The following LARGE1 variants were observed in gnomAD, a reference collection of about 807,000 sequenced individuals.
The protein encoded by LARGE1 is LARGE xylosyl- and glucuronyltransferase 1.
A neutral mutation model predicts 87.6 loss-of-function variants in LARGE1; 43 were observed. The observed-to-expected ratio is 0.49, with a 90% confidence interval of 0.38 to 0.63. The LOEUF (loss-of-function observed/expected upper bound fraction) is 0.63. Ranked by LOEUF, LARGE1 falls within the 30% of genes least tolerant of loss-of-function variation. The pLI, the probability that LARGE1 is intolerant of heterozygous loss-of-function variation, is 0.00. For missense variants in LARGE1, 802 were observed against 1,000.2 expected, an observed-to-expected ratio of 0.80 and a Z score of 2.67; for synonymous variants, 434 against 394.6, an observed-to-expected ratio of 1.10 and a Z score of -1.18.
intron 11 of LARGE1, among the ~76,000 whole-genome samples, chr22:33,230,805 A>G (rs1179192823): frequency 2.0e-5 from 3 of 152,242 alleles, no homozygotes; most frequent in Non-Finnish European, 4.4e-5. Flanking sequence ...ATAATTATAA[A>G]GCATGTGTGT....
chr22:33,232,094 T>A (rs942419093), intron 11 of LARGE1, among the ~76,000 whole-genome samples: 2 of 152,174 alleles, frequency 1.3e-5, no homozygotes, highest in African/African-American at 2.4e-5. Context: ...TCCCTCTGCT[T>A]CCCAAGACCA....
At chr22:33,423,313 T>C (rs1309614359) in intron 7 of LARGE1, among the ~76,000 whole-genome samples, 1 of 152,066 alleles carries the variant, frequency 6.6e-6, no homozygotes, top group African/African-American at 2.4e-5. Flanking sequence ...GTAAATATTA[T>C]TTTATAATAA....
chr22:33,641,802 T>G (rs1325810904), intron 3 of LARGE1, among the ~76,000 whole-genome samples: 1 of 151,746 alleles, frequency 6.6e-6, no homozygotes, highest in African/African-American at 2.4e-5. Flanking sequence ...ATCAACTTAA[T>G]GAAATAAAGT....
rs563241092 is a variant in LARGE1, at chr22:33,746,077, AAT to A, written c.106+15292_106+15293del. On this transcript the variant is annotated intron_variant, in intron 2 of 14. Transcript: ENST00000397394. ...TCTGTTCCCCCATCTGCACAATAAGAATATCAGCACGAAAATTAGTCGGGTAT... is the reference window on the plus strand; with the variant it reads ...TCTGTTCCCCCATCTGCACAATAAGAATCAGCACGAAAATTAGTCGGGTAT... Among the ~76,000 whole-genome samples, 46 of 152,332 alleles carry A rather than the reference AAT, an allele frequency of 3.0e-4. No individual in the cohort carries two copies. In the South Asian group the frequency reaches 6.4e-3, roughly 21 times the overall value.
intron 13 of LARGE1, among the ~76,000 whole-genome samples, chr22:33,278,261 G>C (rs911516228): frequency 6.6e-6 from 1 of 152,100 alleles, no homozygotes; most frequent in African/African-American, 2.4e-5. Context: ...GCCTAGGAAC[G>C]AAAGGAGAGA....
At chr22:33,625,217 C>T (rs552129146) in intron 4 of LARGE1, among the ~76,000 whole-genome samples, 1 of 152,308 alleles carries the variant, frequency 6.6e-6, no homozygotes, top group East Asian at 1.9e-4. Flanking sequence ...AAACCCTTGG[C>T]AAGAGTGTTA....
chr22:33,243,100 TC>T (rs1926595685), intron 11 of LARGE1, among the ~76,000 whole-genome samples: 1 of 152,206 alleles, frequency 6.6e-6, no homozygotes, highest in South Asian at 2.1e-4. Flanking sequence ...ATAGTCACAT[TC>T]TGAGGTAGCA....
chr22:33,619,567 A>G (rs555885125), intron 4 of LARGE1, among the ~76,000 whole-genome samples: 11 of 151,716 alleles, frequency 7.3e-5, no homozygotes, highest in Admixed American at 1.3e-4. Flanking sequence ...AAAAAAAAAA[A>G]AAAAGAAAAA....
chr22:33,332,733 A>G (rs759033932), intron 10 of LARGE1, among the ~76,000 whole-genome samples: 4 of 152,176 alleles, frequency 2.6e-5, no homozygotes, highest in South Asian at 4.1e-4. Flanking sequence ...GCGGAAGACC[A>G]GGTGGTAAAC....
chr22:33,275,735 G>A (rs765709061), intron 14 of LARGE1, among the ~76,000 whole-genome samples: 2 of 152,192 alleles, frequency 1.3e-5, no homozygotes, highest in Non-Finnish European at 1.5e-5. Context: ...AATATGCAAC[G>A]TATTTTCAAG....
intron 1 of LARGE1, among the ~76,000 whole-genome samples, chr22:33,919,464 G>A (rs1238470068): frequency 7.2e-5 from 11 of 152,206 alleles, no homozygotes; most frequent in Non-Finnish European, 1.6e-4. Context: ...TGCTGGCTGG[G>A]CTTCCCCCCT....
chr22:33,379,270 T>TTC lies in LARGE1; in HGVS notation c.1131+2648_1131+2649insGA, dbSNP rs1569109793. ...TGCTGAGTGATTTCTTTCTTTTTTT[T>TTC]TTTTTTATTATACTTTAAGTTCTAG... On this transcript the variant is annotated intron_variant, in intron 9 of 14. Coordinates refer to ENST00000397394, the MANE Select transcript of LARGE1 (RefSeq NM_133642.5). 8.5e-4 allele frequency among the ~76,000 whole-genome samples: 125 copies of TTC among 146,860 alleles called. 1 individual carries two copies. Among genetic ancestry groups the TTC allele is most frequent in the Admixed American group, 1.8e-3 (27 of 15,010 alleles).
chr22:33,631,683 TA>T (rs1389539514), intron 3 of LARGE1, among the ~76,000 whole-genome samples: 3 of 151,944 alleles, frequency 2.0e-5, no homozygotes, highest in Admixed American at 6.6e-5. Flanking sequence ...CAGTTAACTT[TA>T]AAAAAAATAA....
At chr22:33,523,644 C>T (rs1016587653) in intron 6 of LARGE1, among the ~76,000 whole-genome samples, 3 of 151,744 alleles carry the variant, frequency 2.0e-5, no homozygotes, top group Admixed American at 2.0e-4. Context: ...CTGCTTAATG[C>T]TATGCCATTA....
At chr22:33,862,782 A>G (rs1394311630) in intron 1 of LARGE1, among the ~76,000 whole-genome samples, 1 of 152,278 alleles carries the variant, frequency 6.6e-6, no homozygotes, top group South Asian at 2.1e-4. Context: ...TGACCTAACA[A>G]ATCTATTAAC....
intron 12 of LARGE1, among the ~76,000 whole-genome samples, chr22:33,299,577 G>A (rs901857968): frequency 7.9e-5 from 12 of 152,220 alleles, no homozygotes; most frequent in African/African-American, 2.9e-4. Context: ...GCGGGGGTTG[G>A]GTTGGGGCAG....
At chr22:33,079,047 G>T in the LARGE1 span, among the ~76,000 whole-genome samples, 1 of 152,110 alleles carries the variant, frequency 6.6e-6, no homozygotes, top group East Asian at 1.9e-4. Context: ...GCTCTACTTG[G>T]TGTCAGTGTT....
intron 2 of LARGE1, among the ~76,000 whole-genome samples, chr22:33,699,045 T>C (rs184523402): frequency 2.0e-4 from 31 of 152,328 alleles, no homozygotes; most frequent in African/African-American, 7.5e-4. Context: ...GGGGTCCTCC[T>C]CTGTAGGCTG....
chr22:33,779,979 A>G (rs1274975348), intron 1 of LARGE1, among the ~76,000 whole-genome samples: 1 of 134,012 alleles, frequency 7.5e-6, no homozygotes, highest in East Asian at 2.3e-4. Flanking sequence ...CTTGTCTCAC[A>G]GTTCTGTGGG....
Sources: gnomAD v4.1 joint callset for allele counts (sites outside exome capture counted in the v4.1 genomes callset) on GRCh38, gnomAD v4.1.1 for gene constraint, MANE v1.5 for transcripts, NCBI Gene and HGNC (gene_info 2026-07-23, HGNC 2026-07-21) for gene names.